The following HDAC4 variants were observed in gnomAD, a reference collection of about 807,000 sequenced individuals.
The protein encoded by HDAC4 is histone deacetylase A.
HDAC4 carries 16 observed loss-of-function variants against 135.1 expected under a neutral mutation model. The ratio of observed to expected loss-of-function variants is 0.12; its 90% CI spans 0.08 to 0.18. The LOEUF (loss-of-function observed/expected upper bound fraction) is 0.18. Ranked by LOEUF, HDAC4 falls within the 10% of genes least tolerant of loss-of-function variation. HDAC4 has a pLI of 1.00. For missense variants in HDAC4, 1,143 were observed against 1,511.8 expected, an observed-to-expected ratio of 0.76 and a Z score of 4.05; for synonymous variants, 685 against 653.4, an observed-to-expected ratio of 1.05 and a Z score of -0.74.
rs557871261 is a variant in HDAC4 at position 239,303,414 on chromosome 2, G to A, written c.22+49264C>T. Among the ~76,000 whole-genome samples the A allele has an allele frequency of 7.4e-4, 112 of 152,222 alleles. No individual in the cohort carries two copies. The highest frequency in any genetic ancestry group is 2.5e-3 in the African/African-American group (103 of 41,534). On this transcript the variant is annotated intron_variant, in intron 2 of 26. Transcript: ENST00000543185. The surrounding 1 kb of genome is among the most constrained non-coding windows in gnomAD (Gnocchi z 5.1). ...CCCTCACCCTTCTGCAGTCGCCACC[G>A]AGCACTCGTGGTGTGGCCCACAGGG... is the stretch of plus-strand genomic sequence containing the variant.
chr2:239,289,898 T>C (rs562812230), intron 2 of HDAC4, among the ~76,000 whole-genome samples: 2 of 152,230 alleles, frequency 1.3e-5, no homozygotes, highest in East Asian at 3.8e-4. Flanking sequence ...CACCTAACCT[T>C]ATCCTCTTGA....
chr2:239,085,969 C>T (rs2035904540), intron 19 of HDAC4: 1 of 127,666 alleles, frequency 7.8e-6, no homozygotes, highest in Non-Finnish European at 1.7e-5. Context: ...ACAGTCTCTT[C>T]CCTGTACACG....
intron 2 of HDAC4, among the ~76,000 whole-genome samples, chr2:239,273,182 G>A (rs1033803464): frequency 6.6e-6 from 1 of 152,144 alleles, no homozygotes; most frequent in African/African-American, 2.4e-5. Context: ...AGCAGAGCAA[G>A]GAAGCAATCA....
In HDAC4 at chr2:239,053,493, G is replaced by A. The variant is rs781413370; in HGVS notation, c.3197C>T (p.Ser1066Leu). ...EEAETVTAMA[S>L]LSVGVKPAEK... is the part of the protein sequence containing the mutation. ...GGCGGGCTTCACGCCCACGGACAGC[G>A]AGGCCATGGCGGTGACCGTCTCGGC... The change falls in exon 26 of 27, where the codon TCG becomes TTG. Residue 1066 changes from serine (S) to leucine (L), a missense_variant. Physicochemically the swap from Ser to Leu is moderately radical, Grantham distance 145. Around this residue, in one of 9 missense-constraint regions of HDAC4, gnomAD observed 131 missense variants for 130.6 expected, o/e 1.00. Coordinates refer to ENST00000543185, the MANE Select transcript of HDAC4 (RefSeq NM_001378414.1). 2.3e-5 allele frequency: 37 copies of A among 1,613,548 alleles called. No individual in the cohort carries two copies. The highest frequency in any genetic ancestry group is 2.7e-5 in the Non-Finnish European group (32 of 1,179,904).
intron 2 of HDAC4, among the ~76,000 whole-genome samples, chr2:239,281,965 CA>C (rs1326376643): frequency 2.7e-5 from 4 of 150,882 alleles, no homozygotes; most frequent in Non-Finnish European, 5.9e-5. Flanking sequence ...CACCACTCTA[CA>C]ATGAACACAC....
At chr2:239,207,996 C>T (rs1197086295) in intron 3 of HDAC4, among the ~76,000 whole-genome samples, 1 of 151,978 alleles carries the variant, frequency 6.6e-6, no homozygotes, top group Non-Finnish European at 1.5e-5. Flanking sequence ...GAAAAGACAG[C>T]AGACCAATAC....
At chr2:239,162,093 GC>G (rs771881533) in intron 6 of HDAC4, 11 of 456,418 alleles carry the variant, frequency 2.4e-5, no homozygotes, top group Non-Finnish European at 4.4e-5. Context: ...TCTGGGGGCT[GC>G]CCTGTGCTCA....
At chr2:239,111,773 G>A in intron 13 of HDAC4, 61 bp from the exon 14 acceptor site, 2 of 1,441,596 alleles carry the variant, frequency 1.4e-6, no homozygotes, top group Middle Eastern at 2.1e-4. Flanking sequence ...GGGCTGCAGG[G>A]CTAGGGGTTG....
chr2:239,071,490 A>T (rs2034195984), intron 22 of HDAC4, among the ~76,000 whole-genome samples: 1 of 152,190 alleles, frequency 6.6e-6, no homozygotes, highest in Admixed American at 6.5e-5. Context: ...CTTTCTCAAA[A>T]CACTCTCACA....
At chr2:239,233,457 C>T (rs1056134940) in intron 3 of HDAC4, among the ~76,000 whole-genome samples, 1 of 142,904 alleles carries the variant, frequency 7.0e-6, no homozygotes, top group African/African-American at 2.6e-5. Context: ...TTCCAAAATC[C>T]GAAAAAAAAA....
chr2:239,221,210 G>A (rs1015815278), intron 3 of HDAC4, among the ~76,000 whole-genome samples: 8 of 152,178 alleles, frequency 5.3e-5, no homozygotes, highest in African/African-American at 1.7e-4. Context: ...AAAGAGAAGC[G>A]AAGGGGATGG....
intron 1 of HDAC4, among the ~76,000 whole-genome samples, chr2:239,396,299 C>A (rs1327517774): frequency 2.6e-5 from 4 of 152,086 alleles, no homozygotes; most frequent in African/African-American, 9.7e-5. Context: ...TATAATAATA[C>A]ATATGGGTCT....
intron 1 of HDAC4, among the ~76,000 whole-genome samples, chr2:239,387,361 T>C (rs1695885062): frequency 6.6e-6 from 1 of 152,184 alleles, no homozygotes; most frequent in Non-Finnish European, 1.5e-5. Context: ...GTCCCGCCGC[T>C]GCGTGCCTGG....
chr2:239,160,696 C>G (rs375861998), intron 6 of HDAC4, among the ~76,000 whole-genome samples: 6 of 152,204 alleles, frequency 3.9e-5, no homozygotes, highest in African/African-American at 1.4e-4. Flanking sequence ...TGCACGGTAG[C>G]GTGTGCAGGG....
chr2:239,186,598 A>G (rs1432219293), intron 4 of HDAC4: 1 of 152,258 alleles, frequency 6.6e-6, no homozygotes, highest in Admixed American at 6.5e-5. Context: ...GTCTCTGGCC[A>G]TCTCTCAGAG....
chr2:239,214,904 C>T (rs530936493), intron 3 of HDAC4, among the ~76,000 whole-genome samples: 38 of 152,208 alleles, frequency 2.5e-4, no homozygotes, highest in Middle Eastern at 3.4e-3. Flanking sequence ...GGAGGTTGCC[C>T]TGAGTAGGAG....
At chr2:239,228,171 C>T (rs1033290672) in intron 3 of HDAC4, among the ~76,000 whole-genome samples, 3 of 152,206 alleles carry the variant, frequency 2.0e-5, no homozygotes, top group South Asian at 2.1e-4. Context: ...CCAGACGCTA[C>T]GCCAGACACT....
chr2:239,176,242 T>C (rs1332161293), intron 5 of HDAC4, among the ~76,000 whole-genome samples, 171 bp downstream of exon 5: 2 of 119,756 alleles, frequency 1.7e-5, no homozygotes, highest in African/African-American at 6.7e-5. Context: ...TGCCCAGCCT[T>C]CCGTGCCCGC....
At chr2:239,208,521 A>G (rs1381511279) in intron 3 of HDAC4, among the ~76,000 whole-genome samples, 1 of 152,140 alleles carries the variant, frequency 6.6e-6, no homozygotes. Context: ...AAAAAGAGTT[A>G]TCTATTAAAA....
Sources: gnomAD v4.1 joint callset for allele counts (sites outside exome capture counted in the v4.1 genomes callset) on GRCh38, gnomAD v4.1.1 for gene constraint, gnomAD v4.1.1 regional missense constraint, Gnocchi (gnomAD v3.1) non-coding constraint, MANE v1.5 for transcripts, NCBI Gene and HGNC (gene_info 2026-07-23, HGNC 2026-07-21) for gene names.